Variants in PTPRD observed in about 807,000 individuals in gnomAD.
The protein encoded by PTPRD is receptor-type tyrosine-protein phosphatase delta.
PTPRD carries 34 observed loss-of-function variants against 214.5 expected under a neutral mutation model. That is an observed-to-expected ratio of 0.16 (90% confidence interval 0.12 to 0.21). The LOEUF (loss-of-function observed/expected upper bound fraction) is 0.21. Ranked by LOEUF, PTPRD falls within the 10% of genes least tolerant of loss-of-function variation. PTPRD has a pLI of 1.00. For synonymous variants in PTPRD, 1,128 were observed against 845.7 expected, an observed-to-expected ratio of 1.33 and a Z score of -5.79; for missense variants, 2,545 against 2,398.7, an observed-to-expected ratio of 1.06 and a Z score of -1.27.
chr9:10,045,381 G>A (rs1180504651), intron 3 of PTPRD, among the ~76,000 whole-genome samples: 1 of 151,638 alleles, frequency 6.6e-6, no homozygotes, highest in Non-Finnish European at 1.5e-5. Flanking sequence ...AAGCAAATTA[G>A]CATCTGTATA....
At chr9:9,548,118 T>C (rs2079248571) in intron 8 of PTPRD, among the ~76,000 whole-genome samples, 1 of 151,924 alleles carries the variant, frequency 6.6e-6, no homozygotes, top group Non-Finnish European at 1.5e-5. Context: ...TCAGCAGATA[T>C]GCACTTCAAA....
chr9:10,185,098 C>T (rs2099323393), intron 3 of PTPRD, among the ~76,000 whole-genome samples: 1 of 152,070 alleles, frequency 6.6e-6, no homozygotes, highest in Non-Finnish European at 1.5e-5. Flanking sequence ...AAAAAATCTA[C>T]CAGCTCTTTT....
intron 14 of PTPRD, among the ~76,000 whole-genome samples, chr9:8,620,268 T>C (rs937615207): frequency 1.3e-5 from 2 of 151,962 alleles, no homozygotes; most frequent in Admixed American, 6.6e-5. Context: ...AATCTGAAGA[T>C]CTTCTAATAT....
At chr9:10,486,575 T>A (rs966472313) in intron 2 of PTPRD, among the ~76,000 whole-genome samples, 7 of 152,180 alleles carry the variant, frequency 4.6e-5, no homozygotes, top group African/African-American at 1.4e-4. Context: ...CCATTGGTAA[T>A]TAATGAGTAT....
intron 7 of PTPRD, among the ~76,000 whole-genome samples, chr9:9,708,882 T>G (rs2097674916): frequency 6.6e-6 from 1 of 152,068 alleles, no homozygotes; most frequent in African/African-American, 2.4e-5. Context: ...ATTTTTAAAA[T>G]TATAATTCTG....
At chr9:9,276,812 T>A (rs1945828060) in intron 9 of PTPRD, among the ~76,000 whole-genome samples, 2 of 151,424 alleles carry the variant, frequency 1.3e-5, no homozygotes, top group Admixed American at 1.3e-4. Flanking sequence ...ATTCTATATT[T>A]CACTAACTAT....
intron 35 of PTPRD, 113 bp from the exon 36 acceptor site, chr9:8,404,773 T>G (rs1378304590): frequency 9.3e-6 from 12 of 1,289,594 alleles, no homozygotes; most frequent in African/African-American, 1.5e-5. Context: ...GAAGCCATAC[T>G]TCATCAAGAT....
intron 21 of PTPRD, among the ~76,000 whole-genome samples, chr9:8,515,384 G>T (rs1011942794): frequency 6.6e-6 from 1 of 152,070 alleles, no homozygotes; most frequent in African/African-American, 2.4e-5. Flanking sequence ...TACATATTAA[G>T]TTACAAAATG....
intron 2 of PTPRD, among the ~76,000 whole-genome samples, chr9:10,387,842 TTTGA>T (rs1482387526): frequency 1.3e-4 from 19 of 145,648 alleles, no homozygotes; most frequent in African/African-American, 4.9e-4. Context: ...TTTTTTTTTT[TTTGA>T]GAAAAGGTCT....
At chr9:8,352,138 A>G (rs921427444) in intron 39 of PTPRD, among the ~76,000 whole-genome samples, 1 of 151,072 alleles carries the variant, frequency 6.6e-6, no homozygotes, top group Non-Finnish European at 1.5e-5. Context: ...AGACTTCTGC[A>G]TGATCTTGGC....
intron 3 of PTPRD, among the ~76,000 whole-genome samples, chr9:10,325,603 T>G (rs1167649875): frequency 6.6e-6 from 1 of 151,976 alleles, no homozygotes; most frequent in Non-Finnish European, 1.5e-5. Context: ...TTAAAAGCTT[T>G]ATTATAAGGA....
intron 2 of PTPRD, among the ~76,000 whole-genome samples, chr9:10,439,778 GA>G (rs1227596537): frequency 6.6e-6 from 1 of 151,694 alleles, no homozygotes; most frequent in East Asian, 1.9e-4. Flanking sequence ...ATGGTGGTGG[GA>G]GGAGCCAAGG....
chr9:8,366,807 C>T (rs2080018772), intron 39 of PTPRD, among the ~76,000 whole-genome samples: 1 of 152,178 alleles, frequency 6.6e-6, no homozygotes, highest in Non-Finnish European at 1.5e-5. Context: ...GAATACGAAG[C>T]AATGTGACTA....
At chr9:9,942,910 T>TA (rs1219979209) in intron 4 of PTPRD, among the ~76,000 whole-genome samples, 2 of 151,100 alleles carry the variant, frequency 1.3e-5, no homozygotes, top group Non-Finnish European at 2.9e-5. Context: ...TTTTTTTTTT[T>TA]AAAGCTTTTG....
chr9:8,329,949 CTCTGTGGGAGTGGATCGTATCTTGCTGG>C lies in PTPRD; in HGVS notation c.5534+1605_5534+1632del, dbSNP rs1563973663. On this transcript the variant is annotated intron_variant, in intron 44 of 45. Coordinates refer to ENST00000381196, the MANE Select transcript of PTPRD (RefSeq NM_002839.4). ...AGCCAGTGGATCGTATCTTGCTGGG[CTCTGTGGGAGTGGATCGTATCTTGCTGG>C]GCTCTGTGGGGGTGGGACACACCAA... Among the ~76,000 whole-genome samples the C allele has an allele frequency of 1.8e-4, 10 of 55,204 alleles. No homozygotes were observed. In the African/African-American group the frequency reaches 4.8e-3, roughly 26 times the overall value. 36.2% of individuals were successfully genotyped at this position (55,204 alleles called of 152,430 possible). A position where few individuals can be genotyped will look rare whatever the true frequency, so the allele number is the denominator to read the frequency against.
Position 8,765,957 on chromosome 9 carries a change from A to G in PTPRD, c.-103-32011T>C, listed in dbSNP as rs563249264. 2.6e-5 allele frequency among the ~76,000 whole-genome samples: 4 copies of G among 152,270 alleles called. No individual in the cohort carries two copies. In the East Asian group the frequency reaches 5.8e-4, roughly 22 times the overall value. ...CTAAGACTCCTCTGGTCAACAAAATATAGTACTCTAAAGCTATAAACAGGT... is the reference window on the plus strand; with the variant it reads ...CTAAGACTCCTCTGGTCAACAAAATGTAGTACTCTAAAGCTATAAACAGGT... On this transcript the variant is annotated intron_variant, in intron 11 of 45. Transcript: ENST00000381196.
At chr9:9,116,981 G>T (rs1004035598) in intron 10 of PTPRD, among the ~76,000 whole-genome samples, 2 of 151,980 alleles carry the variant, frequency 1.3e-5, no homozygotes, top group African/African-American at 4.8e-5. Flanking sequence ...AAATGCTCAG[G>T]GTGTGTGTGT....
intron 11 of PTPRD, among the ~76,000 whole-genome samples, chr9:8,991,735 G>A (rs1459673978): frequency 2.6e-5 from 4 of 152,070 alleles, no homozygotes; most frequent in African/African-American, 7.2e-5. Flanking sequence ...AGTTTGCCCT[G>A]TCCATCAGAT....
intron 7 of PTPRD, among the ~76,000 whole-genome samples, chr9:9,634,547 G>A (rs920742887): frequency 2.0e-5 from 3 of 152,092 alleles, no homozygotes; most frequent in African/African-American, 4.8e-5. Flanking sequence ...TCTACCATAA[G>A]AGGAAGGAAA....
Sources: allele counts gnomAD v4.1 joint callset (sites outside exome capture counted in the v4.1 genomes callset), GRCh38; gene constraint gnomAD v4.1.1; transcripts MANE v1.5; gene names NCBI Gene and HGNC (gene_info 2026-07-23, HGNC 2026-07-21).